Variants in DCAF4 observed in about 807,000 individuals in gnomAD.
DCAF4 encodes the protein DDB1 and CUL4 associated factor 4.
Under a neutral mutation model 60.9 loss-of-function variants are expected in DCAF4, and 37 were observed. That is an observed-to-expected ratio of 0.61 (90% CI 0.47 to 0.80). The LOEUF (loss-of-function observed/expected upper bound fraction) is 0.80. DCAF4 is among the 30% of genes least tolerant of loss of function. The probability of loss-of-function intolerance (pLI) is 0.00; values close to 1 mark genes in which losing one functional copy is unlikely to be tolerated. For missense variants in DCAF4, 577 were observed against 650.0 expected (o/e 0.89, Z 1.22); for synonymous variants, 243 against 254.8 (o/e 0.95, Z 0.44).
intron 6 of DCAF4, among the ~76,000 whole-genome samples, chr14:72,945,331 T>G (rs1474798891): frequency 6.6e-6 from 1 of 152,082 alleles, no homozygotes; most frequent in East Asian, 1.9e-4. Context: ...AGTTCAGGGT[T>G]ATCATAAGCC....
Position 72,954,194 on chromosome 14 carries a change from T to C in DCAF4, c.839T>C (p.Phe280Ser). The C allele has an allele frequency of 6.2e-7, 1 of 1,614,150 alleles. No homozygotes were observed. The highest frequency in any genetic ancestry group is 8.5e-7 in the Non-Finnish European group (1 of 1,180,022). Reference protein sequence around the residue: ...GIDRPGMLCSFRIPGAWSCAW... With the variant: ...GIDRPGMLCSSRIPGAWSCAW... The stretch of plus-strand genomic sequence containing the variant: ...GACCGGCCTGGCATGCTCTGCAGTT[T>C]CCGGATCCCTGGTGCCTGGTCCTGT... The change falls in exon 10 of 14, where the codon TTC becomes TCC. Residue 280 changes from phenylalanine to serine, a missense_variant. Coordinates refer to ENST00000358377, the MANE Select transcript of DCAF4 (RefSeq NM_015604.4).
chr14:72,953,728 A>ATATATAT (rs1479912270), intron 9 of DCAF4, among the ~76,000 whole-genome samples: 19 of 37,750 alleles, frequency 5.0e-4, no homozygotes, highest in Non-Finnish European at 7.2e-4. Flanking sequence ...AAAAAAAAAA[A>ATATATAT]AAAAATATAT....
intron 3 of DCAF4, 114 bp from the exon 4 acceptor site, chr14:72,940,106 C>T (rs938818308): frequency 2.0e-5 from 28 of 1,427,022 alleles, no homozygotes; most frequent in African/African-American, 1.3e-4. Context: ...AGCTCATCCC[C>T]GCCCTCAGAA....
intron 6 of DCAF4, among the ~76,000 whole-genome samples, chr14:72,945,609 C>T (rs1890633439): frequency 6.6e-6 from 1 of 152,206 alleles, no homozygotes; most frequent in Non-Finnish European, 1.5e-5. Flanking sequence ...TGAGTGAGGT[C>T]CTCATGCAGA....
At chr14:72,941,348 T>G (rs1461690182) in intron 4 of DCAF4, among the ~76,000 whole-genome samples, 1 of 152,168 alleles carries the variant, frequency 6.6e-6, no homozygotes, top group Non-Finnish European at 1.5e-5. Context: ...GACCAACAGG[T>G]CTAGACGCTA....
chr14:72,948,352 T>C (rs1891004837), intron 8 of DCAF4, among the ~76,000 whole-genome samples: 1 of 152,140 alleles, frequency 6.6e-6, no homozygotes, highest in Non-Finnish European at 1.5e-5. Context: ...CACACCCAGC[T>C]TACATTTCAA....
intron 1 of DCAF4, among the ~76,000 whole-genome samples, chr14:72,928,034 C>T (rs1887864741): frequency 6.6e-6 from 1 of 151,242 alleles, no homozygotes; most frequent in Admixed American, 6.6e-5. Context: ...CTCCTGGGCT[C>T]AAGCTATCCT....
intron 2 of DCAF4, 94 bp from the exon 3 acceptor site, chr14:72,939,708 G>A: frequency 9.9e-7 from 1 of 1,010,496 alleles, no homozygotes; most frequent in Non-Finnish European, 1.4e-6. Context: ...CAGAGGTGAA[G>A]GCTGCAGAAC....
intron 12 of DCAF4, 149 bp downstream of exon 12, chr14:72,955,845 G>GACT: frequency 1.4e-6 from 1 of 712,358 alleles, no homozygotes; most frequent in Non-Finnish European, 2.4e-6. Context: ...CCTGCATGGG[G>GACT]ACTGCTTCGT....
Position 72,959,121 on chromosome 14 carries a change from T to G in DCAF4, c.*316T>G, listed in dbSNP as rs1892662238. On this transcript the variant is annotated 3_prime_UTR_variant, in exon 14 of 14. Coordinates refer to ENST00000358377, the MANE Select transcript of DCAF4 (RefSeq NM_015604.4). ...AAGGACTTTTCTAAGGACTGAAGAT[T>G]GGCAAAAACGAAAAGCTTCTTCCTC... 9.6e-7 allele frequency: 1 copy of G among 1,040,208 alleles called. No individual in the cohort carries two copies. Among genetic ancestry groups the G allele is most frequent in the Non-Finnish European group, 1.2e-6 (1 of 865,558 alleles). The allele number at this position is 1,040,208 out of a possible 1,614,324, so 64.4% of individuals were successfully genotyped here.
intron 5 of DCAF4, 90 bp from the exon 6 acceptor site, chr14:72,942,904 C>A: frequency 8.9e-7 from 1 of 1,126,640 alleles, no homozygotes; most frequent in Non-Finnish European, 1.3e-6. Flanking sequence ...GAGAGATGGG[C>A]GTCAGCGGGG....
chr14:72,928,793 G>A (rs1445431328), intron 1 of DCAF4, among the ~76,000 whole-genome samples: 1 of 151,980 alleles, frequency 6.6e-6, no homozygotes, highest in Non-Finnish European at 1.5e-5. Context: ...CCGGTTGTTG[G>A]GCTCCAGTCC....
chr14:72,929,644 C>T (rs1231966013), intron 1 of DCAF4: 5 of 1,304,038 alleles, frequency 3.8e-6, no homozygotes, highest in African/African-American at 1.5e-5. Context: ...TTCCTCATGG[C>T]AGCCAGTACC....
chr14:72,951,160 T>C (rs1182411738), intron 8 of DCAF4, among the ~76,000 whole-genome samples: 1 of 152,028 alleles, frequency 6.6e-6, no homozygotes, highest in Non-Finnish European at 1.5e-5. Flanking sequence ...TTTGTATTTT[T>C]TGTAGAGACA....
intron 8 of DCAF4, among the ~76,000 whole-genome samples, chr14:72,950,572 C>T (rs1471252252): frequency 6.6e-6 from 1 of 151,922 alleles, no homozygotes; most frequent in Non-Finnish European, 1.5e-5. Context: ...CAAAGTTTGG[C>T]TATGAGGGGA....
Position 72,959,392 on chromosome 14 carries a change from T to G in DCAF4, c.*587T>G. The G allele has an allele frequency of 1.0e-6, 1 of 985,488 alleles. No homozygotes were observed. The highest frequency in any genetic ancestry group is 1.2e-6 in the Non-Finnish European group (1 of 829,968). 61.0% of individuals were successfully genotyped at this position (985,488 alleles called of 1,614,324 possible). A position where few individuals can be genotyped will look rare whatever the true frequency, so the allele number is the denominator to read the frequency against. On this transcript the variant is annotated 3_prime_UTR_variant, in exon 14 of 14. Coordinates refer to ENST00000358377, the MANE Select transcript of DCAF4 (RefSeq NM_015604.4). ...TTCTGCTGTTATTATCCAAAGGCGT[T>G]GGAAGGAAAGATGGATCTTCTTACA...
chr14:72,946,357 A>G, intron 7 of DCAF4, among the ~76,000 whole-genome samples: 1 of 152,060 alleles, frequency 6.6e-6, no homozygotes, highest in East Asian at 1.9e-4. Flanking sequence ...GTGAGCCATG[A>G]TCGTGCCACT....
chr14:72,945,799 G>A, intron 6 of DCAF4, 85 bp from the exon 7 acceptor site: 3 of 1,559,016 alleles, frequency 1.9e-6, no homozygotes, highest in East Asian at 2.2e-5. Flanking sequence ...AGAGCATGGG[G>A]GCCAGGAGAG....
intron 8 of DCAF4, among the ~76,000 whole-genome samples, chr14:72,951,215 G>A (rs1343671930): frequency 6.6e-6 from 1 of 151,900 alleles, no homozygotes; most frequent in Non-Finnish European, 1.5e-5. Flanking sequence ...TCCTGGACTC[G>A]AGTGATCCTC....
Sources: gnomAD v4.1 joint callset for allele counts (sites outside exome capture counted in the v4.1 genomes callset) on GRCh38, gnomAD v4.1.1 for gene constraint, MANE v1.5 for transcripts, NCBI Gene and HGNC (gene_info 2026-07-23, HGNC 2026-07-21) for gene names.